AP3S2: variants seen among roughly 807,000 people sequenced by gnomAD.
AP3S2 encodes the protein adaptor related protein complex 3 subunit sigma 2.
Under a neutral mutation model 23.4 loss-of-function variants are expected in AP3S2, and 22 were observed. That is an observed-to-expected ratio of 0.94 (90% CI 0.67 to 1.34). The LOEUF is 1.34. Among genes scored for constraint, AP3S2 ranks in the 40% most tolerant of loss-of-function variants. AP3S2 has a pLI of 0.00. For missense variants in AP3S2, 241 were observed against 236.9 expected (o/e 1.02, Z -0.11); for synonymous variants, 86 against 87.1 (o/e 0.99, Z 0.07).
At chr15:89,844,893 T>C (rs922775492) in intron 4 of AP3S2, among the ~76,000 whole-genome samples, 1 of 152,162 alleles carries the variant, frequency 6.6e-6, no homozygotes, top group Non-Finnish European at 1.5e-5. Flanking sequence ...CCTCTTACTT[T>C]TCACAGAGTA....
At chr15:89,889,927 A>G (rs1896782342) in intron 1 of AP3S2, among the ~76,000 whole-genome samples, 1 of 151,098 alleles carries the variant, frequency 6.6e-6, no homozygotes, top group Admixed American at 6.6e-5. Flanking sequence ...AAAAAGTTAT[A>G]TTGGCAAATA....
At chr15:89,842,072 C>T (rs962920514) in intron 4 of AP3S2, among the ~76,000 whole-genome samples, 1 of 151,866 alleles carries the variant, frequency 6.6e-6, no homozygotes, top group African/African-American at 2.4e-5. Flanking sequence ...AGAAGACAAG[C>T]TGCATACTGG....
intron 4 of AP3S2, chr15:89,845,343 T>C (rs1256140031): frequency 6.6e-6 from 1 of 152,208 alleles, no homozygotes. Flanking sequence ...ATGACTCAAG[T>C]GTAAGTGAGC....
At chr15:89,851,505 A>G (rs1895654037) in intron 4 of AP3S2, among the ~76,000 whole-genome samples, 1 of 151,950 alleles carries the variant, frequency 6.6e-6, no homozygotes, top group African/African-American at 2.4e-5. Flanking sequence ...CGCCTGGCTA[A>G]TTTTTCTATT....
At chr15:89,871,731 G>C (rs759693428) in intron 3 of AP3S2, among the ~76,000 whole-genome samples, 185 bp from the exon 4 acceptor site, 1 of 152,192 alleles carries the variant, frequency 6.6e-6, no homozygotes, top group Non-Finnish European at 1.5e-5. Flanking sequence ...TCGATTTAGA[G>C]GGAATAATCT....
In AP3S2 at chr15:89,833,558, C is replaced by T. The variant is rs1459189504; in HGVS notation, c.*1957G>A. ...TGCTCATGCCAACTTACAGAAGGTA[C>T]GAAATAAACGCCGATCTCCTTTATT... On this transcript the variant is annotated 3_prime_UTR_variant, in exon 6 of 6. Transcript: ENST00000336418. 3 of 152,136 alleles carry T rather than the reference C, an allele frequency of 2.0e-5. No homozygotes were observed. Among genetic ancestry groups the T allele is most frequent in the Admixed American group, 6.6e-5 (1 of 15,262 alleles). 9.4% of individuals were successfully genotyped at this position (152,136 alleles called of 1,614,324 possible). A position where few individuals can be genotyped will look rare whatever the true frequency, so the allele number is the denominator to read the frequency against.
chr15:89,872,520 T>C (rs1343213670), intron 3 of AP3S2, among the ~76,000 whole-genome samples: 1 of 152,206 alleles, frequency 6.6e-6, no homozygotes, highest in Admixed American at 6.5e-5. Context: ...TAGGTATCTA[T>C]CTATAACTGT....
rs575561865 is a variant in AP3S2 at position 89,846,914 on chromosome 15, G to A, written c.346-9192C>T. Among the ~76,000 whole-genome samples, 189 of 152,072 alleles carry A rather than the reference G, an allele frequency of 1.2e-3. 1 individual carries two copies. Among genetic ancestry groups the A allele is most frequent in the African/African-American group, 4.4e-3 (181 of 41,492 alleles). On this transcript the variant is annotated intron_variant, in intron 4 of 5. Coordinates refer to ENST00000336418, the MANE Select transcript of AP3S2 (RefSeq NM_005829.5). ...TCAAACTCCTGATCTCAGGTGATCC[G>A]CCCACCTCAGCCTCCCAAAGTGCTG...
At chr15:89,890,978 A>G (rs1230211748) in intron 1 of AP3S2, among the ~76,000 whole-genome samples, 1 of 152,256 alleles carries the variant, frequency 6.6e-6, no homozygotes, top group Non-Finnish European at 1.5e-5. Context: ...CAAAGCTCAC[A>G]GATGACAGGA....
intron 4 of AP3S2, among the ~76,000 whole-genome samples, chr15:89,854,569 T>TG (rs574761119): frequency 2.4e-4 from 8 of 33,096 alleles, no homozygotes; most frequent in Middle Eastern, 0.02. Context: ...GGGAGGGAGG[T>TG]GGGGGGGGTC....
intron 4 of AP3S2, chr15:89,848,663 AT>A (rs1474407928): frequency 2.0e-5 from 3 of 152,282 alleles, no homozygotes; most frequent in African/African-American, 7.2e-5. Context: ...AGCTGGTTTC[AT>A]TAATTCCTAG....
At position 89,863,484 on chromosome 15, in the gene AP3S2, A is replaced by G. The variant is rs528991012; in HGVS notation, c.345+7991T>C. On this transcript the variant is annotated intron_variant, in intron 4 of 5. Coordinates refer to ENST00000336418, the MANE Select transcript of AP3S2 (RefSeq NM_005829.5). ...GTGTGTGTCGGGGAGAGACAGAAAG[A>G]TAACTTGGCTCTAGAAATGGAATGA... 7.9e-5 allele frequency among the ~76,000 whole-genome samples: 12 copies of G among 152,320 alleles called. No homozygotes were observed. In the East Asian group the frequency reaches 2.1e-3, roughly 27 times the overall value.
At chr15:89,893,413 G>GA in intron 1 of AP3S2, 1 of 265,188 alleles carries the variant, frequency 3.8e-6, no homozygotes, top group East Asian at 6.7e-5. Context: ...CTAGTCTCTG[G>GA]AAAGTCCCAG....
At chr15:89,890,478 GAA>G (rs1157987402) in intron 1 of AP3S2, among the ~76,000 whole-genome samples, 1 of 152,246 alleles carries the variant, frequency 6.6e-6, no homozygotes, top group Non-Finnish European at 1.5e-5. Context: ...AAGAGAGGGA[GAA>G]ACCAGCAATT....
chr15:89,866,747 C>T (rs1450299377), intron 4 of AP3S2, among the ~76,000 whole-genome samples: 2 of 151,698 alleles, frequency 1.3e-5, no homozygotes, highest in Non-Finnish European at 1.5e-5. Context: ...GGATTATAGG[C>T]GTTAGCCACC....
intron 4 of AP3S2, among the ~76,000 whole-genome samples, chr15:89,867,810 G>A (rs1232212025): frequency 2.3e-5 from 3 of 130,736 alleles, no homozygotes; most frequent in African/African-American, 5.8e-5. Context: ...GAGCCCCTCC[G>A]CCCGGCAGCT....
intron 4 of AP3S2, among the ~76,000 whole-genome samples, chr15:89,849,739 T>C (rs1383171433): frequency 1.3e-5 from 2 of 152,150 alleles, no homozygotes; most frequent in East Asian, 3.8e-4. Flanking sequence ...TGCAGGTTTT[T>C]ACATAGCTAT....
chr15:89,888,282 C>T (rs1430261595), intron 3 of AP3S2, among the ~76,000 whole-genome samples: 2 of 152,170 alleles, frequency 1.3e-5, no homozygotes, highest in Non-Finnish European at 2.9e-5. Context: ...CCACCACACC[C>T]GGCCAAAGTA....
intron 4 of AP3S2, among the ~76,000 whole-genome samples, chr15:89,859,399 C>CTTTTTTTTTTTT (rs58123055): frequency 8.5e-6 from 1 of 118,048 alleles, no homozygotes; most frequent in Admixed American, 9.9e-5. Context: ...TTCTTTCTTT[C>CTTTTTTTTTTTT]TTTTTTTTTT....
Sources: gnomAD v4.1 joint callset for allele counts (sites outside exome capture counted in the v4.1 genomes callset) on GRCh38, gnomAD v4.1.1 for gene constraint, MANE v1.5 for transcripts, NCBI Gene and HGNC (gene_info 2026-07-23, HGNC 2026-07-21) for gene names.